Variants in DNAH11 observed in about 807,000 individuals in gnomAD.
DNAH11 encodes the protein axonemal beta dynein heavy chain 11.
A neutral mutation model predicts 526.0 loss-of-function variants in DNAH11; 442 were observed. The observed-to-expected ratio is 0.84, with a 90% CI of 0.78 to 0.91. The LOEUF is 0.91. Ranked by LOEUF, DNAH11 falls within the 40% of genes least tolerant of loss-of-function variation. The pLI is 0.00. For missense variants in DNAH11, 6,989 were observed against 5,448.7 expected (o/e 1.28, Z -8.90); for synonymous variants, 2,461 against 1,935.9 (o/e 1.27, Z -7.12).
intron 26 of DNAH11, 42 bp downstream of exon 26, chr7:21,636,137 G>A (rs762473475): frequency 3.3e-6 from 5 of 1,495,964 alleles, no homozygotes; most frequent in Admixed American, 4.1e-5. Context: ...GCAAAGTTTT[G>A]TAAAGTAACA....
intron 76 of DNAH11, among the ~76,000 whole-genome samples, chr7:21,884,927 T>C (rs1166374351): frequency 4.6e-5 from 7 of 152,254 alleles, no homozygotes; most frequent in East Asian, 3.9e-4. Flanking sequence ...TCAATTATAA[T>C]ATGTGCTCAA....
At chr7:21,564,884 A>C (rs368045525) in intron 6 of DNAH11, among the ~76,000 whole-genome samples, 2 of 150,908 alleles carry the variant, frequency 1.3e-5, no homozygotes, top group South Asian at 2.1e-4. Flanking sequence ...TTCCTTACTC[A>C]ACCTGCAAAA....
chr7:21,697,785 T>C (rs1783913322), intron 35 of DNAH11, among the ~76,000 whole-genome samples: 1 of 152,214 alleles, frequency 6.6e-6, no homozygotes, highest in South Asian at 2.1e-4. Flanking sequence ...TATTCCTCTT[T>C]CTGCAGTGAC....
At chr7:21,670,274 G>A (rs951663227) in intron 30 of DNAH11, among the ~76,000 whole-genome samples, 4 of 151,782 alleles carry the variant, frequency 2.6e-5, no homozygotes, top group Admixed American at 1.3e-4. Flanking sequence ...ATTTTTAGAT[G>A]GTTGATGTGT....
At position 21,691,273 on chromosome 7, in the gene DNAH11, A is replaced by G. The variant is rs1002470416; in HGVS notation, c.6041+392A>G. Among the ~76,000 whole-genome samples, 6 of 150,346 alleles carry G rather than the reference A, an allele frequency of 4.0e-5. No homozygotes were observed. The East Asian group carries it at 9.9e-4, about 25-fold the overall frequency. On this transcript the variant is annotated intron_variant, in intron 35 of 81. Transcript: ENST00000409508. The stretch of plus-strand genomic sequence containing the variant: ...AAAGCCAAGGCGCTGGTGCTGGCTC[A>G]TTTTTGCTCCTCCTGACCTTGGCCA...
chr7:21,585,898 A>T (rs1784465706), intron 9 of DNAH11, among the ~76,000 whole-genome samples: 1 of 152,190 alleles, frequency 6.6e-6, no homozygotes. Flanking sequence ...ATGTGGTGGG[A>T]ATTACTCTTT....
In DNAH11 at chr7:21,800,995, A is replaced by G. The variant is rs140361814; in HGVS notation, c.10027-142A>G. 645 of 833,942 alleles carry G rather than the reference A, an allele frequency of 7.7e-4. 4 individuals are homozygous for G. The East Asian group carries it at 0.015, about 20-fold the overall frequency. 51.7% of individuals were successfully genotyped at this position (833,942 alleles called of 1,614,324 possible). On this transcript the variant is annotated intron_variant, in intron 61 of 81. Coordinates refer to ENST00000409508, the MANE Select transcript of DNAH11 (RefSeq NM_001277115.2). ...TATATCCTTCTTTTCCTTCTTCCCT[A>G]AAATACGTATGGTAAAGGGGCAAAG...
At chr7:21,557,583 C>T (rs1053501458) in intron 2 of DNAH11, among the ~76,000 whole-genome samples, 1 of 152,106 alleles carries the variant, frequency 6.6e-6, no homozygotes, top group African/African-American at 2.4e-5. Flanking sequence ...ATGACAAATA[C>T]ACCTCCCAAA....
In DNAH11 at chr7:21,773,768, A is replaced by G; in HGVS notation, c.9105A>G (p.Pro3035=). The G allele has an allele frequency of 6.5e-7, 1 of 1,542,958 alleles. No individual in the cohort carries two copies. Residue 3035 remains proline (P), a splice_region_variant and synonymous_variant, in exon 56 of 82, where the codon CCA becomes CCG. Transcript: ENST00000409508. ...AACTGTAATGTTTGTGTTTTCAGCC[A>G]GTGCACAAAGACTCTATTAGCCTTT... ...RFIEETKGIE[P]VHKDSISLFM... is the part of the protein sequence containing the mutation.
At chr7:21,619,558 A>G (rs1036173098) in intron 24 of DNAH11, among the ~76,000 whole-genome samples, 3 of 152,226 alleles carry the variant, frequency 2.0e-5, no homozygotes, top group Admixed American at 6.5e-5. Context: ...CACATGGGGA[A>G]ACTGAGGTAT....
intron 61 of DNAH11, among the ~76,000 whole-genome samples, chr7:21,789,809 T>TTTCTTCTTTCTTTC (rs1788375007): frequency 5.1e-5 from 1 of 19,490 alleles, no homozygotes; most frequent in African/African-American, 1.5e-4. Flanking sequence ...TTCTTTCTTT[T>TTTCTTCTTTCTTTC]TTCTTTCTTT....
intron 61 of DNAH11, among the ~76,000 whole-genome samples, chr7:21,796,820 A>C (rs562803290): frequency 1.3e-5 from 2 of 152,230 alleles, no homozygotes; most frequent in East Asian, 3.8e-4. Flanking sequence ...GAACTGATCA[A>C]ATGCATTAAC....
chr7:21,791,587 T>C (rs1223308717), intron 61 of DNAH11, among the ~76,000 whole-genome samples: 1 of 152,206 alleles, frequency 6.6e-6, no homozygotes, highest in Non-Finnish European at 1.5e-5. Context: ...TCAGCCTTTC[T>C]TTCCCTCTTA....
intron 20 of DNAH11, among the ~76,000 whole-genome samples, chr7:21,607,152 T>G (rs1342747402): frequency 6.7e-6 from 1 of 149,968 alleles, no homozygotes; most frequent in Non-Finnish European, 1.5e-5. Context: ...CCAGACTCCC[T>G]AGCAAGCTGG....
chr7:21,781,012 C>T (rs57207330), intron 57 of DNAH11, among the ~76,000 whole-genome samples: 81 of 152,232 alleles, frequency 5.3e-4, no homozygotes, highest in African/African-American at 1.9e-3. Flanking sequence ...ATTGGATATT[C>T]ATGGAAGAAA....
intron 2 of DNAH11, among the ~76,000 whole-genome samples, chr7:21,556,381 C>G (rs565205103): frequency 1.3e-4 from 20 of 152,234 alleles, no homozygotes; most frequent in Non-Finnish European, 2.2e-4. Context: ...GAAACAGTAC[C>G]CAGTACGTTA....
chr7:21,635,205 G>A (rs1375162272), intron 25 of DNAH11, among the ~76,000 whole-genome samples: 1 of 152,102 alleles, frequency 6.6e-6, no homozygotes, highest in Non-Finnish European at 1.5e-5. Context: ...GCCCAGGCTT[G>A]GAGTGCAGTG....
intron 53 of DNAH11, among the ~76,000 whole-genome samples, 190 bp downstream of exon 53, chr7:21,749,991 G>A (rs191395665): frequency 6.6e-6 from 1 of 152,336 alleles, no homozygotes; most frequent in African/African-American, 2.4e-5. Flanking sequence ...AAGGCCTTCA[G>A]TGAAGTAAAT....
intron 25 of DNAH11, among the ~76,000 whole-genome samples, chr7:21,625,238 C>T (rs1786273742): frequency 6.6e-6 from 1 of 151,842 alleles, no homozygotes; most frequent in Admixed American, 6.6e-5. Flanking sequence ...TCTTTTATTT[C>T]TTCTTGATTC....
Sources: allele counts gnomAD v4.1 joint callset (sites outside exome capture counted in the v4.1 genomes callset), GRCh38; gene constraint gnomAD v4.1.1; transcripts MANE v1.5; gene names NCBI Gene and HGNC (gene_info 2026-07-23, HGNC 2026-07-21).